Variants in USP30 observed in about 807,000 individuals in gnomAD.
USP30 encodes ubiquitin carboxyl-terminal hydrolase 30.
In USP30, 41 loss-of-function variants were observed where a neutral mutation model predicts 68.2. That is an observed-to-expected ratio of 0.60 (90% confidence interval 0.47 to 0.78). The LOEUF (loss-of-function observed/expected upper bound fraction) is 0.78, where lower values mean the gene tolerates loss of function less well. Ranked by LOEUF, USP30 falls within the 30% of genes least tolerant of loss-of-function variation. The probability of loss-of-function intolerance (pLI) is 0.00; values close to 1 mark genes in which losing one functional copy is unlikely to be tolerated. For synonymous variants in USP30, 229 were observed against 253.7 expected, an observed-to-expected ratio of 0.90 and a Z score of 0.93; for missense variants, 522 against 649.4, an observed-to-expected ratio of 0.80 and a Z score of 2.13.
upstream of USP30, chr12:109,052,335 A>T: frequency 5.2e-6 from 1 of 190,934 alleles, no homozygotes; most frequent in Non-Finnish European, 1.1e-5. Flanking sequence ...AAAAATTCAA[A>T]TCATGACCCA....
chr12:109,052,655 T>C lies in USP30; in HGVS notation c.-24T>C. 3 of 1,484,152 alleles carry C rather than the reference T, an allele frequency of 2.0e-6. No individual in the cohort carries two copies. The highest frequency in any genetic ancestry group is 2.7e-6 in the Non-Finnish European group (3 of 1,123,290). 91.9% of individuals were successfully genotyped at this position (1,484,152 alleles called of 1,614,324 possible). On this transcript the variant is annotated 5_prime_UTR_variant, in exon 1 of 13. Transcript: ENST00000257548. ...GCGGCGGCGGTAGCGGAGGAGACGG[T>C]TTCAGGCCTCCGGTGCGGCTGCAAT...
rs991561787 is a variant in USP30, at chr12:109,087,017, A to AT, written c.*1087dup. On this transcript the variant is annotated 3_prime_UTR_variant, in exon 13 of 13. Transcript: ENST00000257548. ...CAGCTTTTGACTTTTTAAAAAACAT[A>AT]TAACTACAGCTGGCATCTAGTATTG... The AT allele has an allele frequency of 6.6e-6, 1 of 152,032 alleles. No homozygotes were observed. Among genetic ancestry groups the AT allele is most frequent in the African/African-American group, 2.4e-5 (1 of 41,396 alleles). The allele number at this position is 152,032 out of a possible 1,614,324, so 9.4% of individuals were successfully genotyped here.
chr12:109,036,029 C>A (rs1246053893), intron 3 of USP30, among the ~76,000 whole-genome samples: 1 of 151,890 alleles, frequency 6.6e-6, no homozygotes, highest in Non-Finnish European at 1.5e-5. Flanking sequence ...GCATGGTGGC[C>A]CATGGCTGTA....
At chr12:109,026,739 A>T (rs2040447997) in intron 2 of USP30, among the ~76,000 whole-genome samples, 1 of 152,030 alleles carries the variant, frequency 6.6e-6, no homozygotes, top group South Asian at 2.1e-4. Context: ...AAGTGTTGAG[A>T]TTACAGGTGT....
chr12:109,077,833 G>A lies in USP30; in HGVS notation c.721-3501G>A, dbSNP rs562460015. On this transcript the variant is annotated intron_variant, in intron 7 of 12. Coordinates refer to ENST00000257548, the MANE Select transcript of USP30 (RefSeq NM_032663.5). ...CTCTTGTGTGTTTGTGTTGGGGGGG[G>A]AGGGTGTGTGTGAGAGATTACGTTA... Among the ~76,000 whole-genome samples, 257 of 151,856 alleles carry A rather than the reference G, an allele frequency of 1.7e-3. 4 individuals are homozygous for A. The highest frequency in any genetic ancestry group is 6.0e-3 in the African/African-American group (249 of 41,342).
At chr12:109,041,685 C>T (rs573854738) in intron 3 of USP30, among the ~76,000 whole-genome samples, 1 of 151,918 alleles carries the variant, frequency 6.6e-6, no homozygotes, top group South Asian at 2.1e-4. Context: ...GAAGTATGAA[C>T]TTATCAATCA....
At chr12:109,083,167 T>C (rs965570620) in intron 11 of USP30, 105 bp downstream of exon 11, 19 of 1,152,170 alleles carry the variant, frequency 1.6e-5, no homozygotes, top group Non-Finnish European at 2.3e-5. Context: ...ACAAGGCTTG[T>C]ACAATGGTGC....
intron 3 of USP30, among the ~76,000 whole-genome samples, chr12:109,062,195 G>A (rs1282897073): frequency 2.6e-5 from 4 of 151,800 alleles, no homozygotes; most frequent in African/African-American, 9.7e-5. Context: ...TCAGCCTCCC[G>A]TAGTGCTGGG....
At chr12:109,023,556 A>G (rs541170472) in intron 1 of USP30, among the ~76,000 whole-genome samples, 7 of 150,630 alleles carry the variant, frequency 4.6e-5, no homozygotes, top group South Asian at 4.2e-4. Flanking sequence ...CTCTGTCTCA[A>G]TAAATAAATA....
intron 7 of USP30, among the ~76,000 whole-genome samples, chr12:109,078,314 C>T (rs141401789): frequency 0.015 from 2,255 of 152,098 alleles, 23 homozygotes; most frequent in Non-Finnish European, 0.022. Flanking sequence ...ATCCCAGCTA[C>T]TCGGGAGGCT....
chr12:109,073,817 G>A (rs546884044), intron 7 of USP30, among the ~76,000 whole-genome samples: 2 of 152,074 alleles, frequency 1.3e-5, no homozygotes, highest in African/African-American at 2.4e-5. Context: ...TCTAGGGCTG[G>A]TTTTTTCCCC....
At chr12:109,068,502 G>T (rs1253633766) in intron 4 of USP30, among the ~76,000 whole-genome samples, 1 of 152,170 alleles carries the variant, frequency 6.6e-6, no homozygotes, top group African/African-American at 2.4e-5. Flanking sequence ...AGACATGGTG[G>T]TGGTATCTAT....
chr12:109,044,155 T>C (rs1402867418), intron 3 of USP30, among the ~76,000 whole-genome samples: 7 of 152,206 alleles, frequency 4.6e-5, no homozygotes, highest in African/African-American at 1.7e-4. Flanking sequence ...GTGAGATACT[T>C]AGAGTAGTTG....
At chr12:109,065,789 G>T (rs2041229832) in intron 3 of USP30, among the ~76,000 whole-genome samples, 1 of 152,242 alleles carries the variant, frequency 6.6e-6, no homozygotes. Flanking sequence ...CAGTGGCCAT[G>T]CGCCAGAGAA....
intron 11 of USP30, among the ~76,000 whole-genome samples, chr12:109,084,117 C>T (rs2041881244): frequency 6.6e-6 from 1 of 152,178 alleles, no homozygotes; most frequent in Non-Finnish European, 1.5e-5. Context: ...AATCCCAGCA[C>T]TTTGGGAGAT....
At chr12:109,071,940 GAGAATAA>G (rs1337112442) in intron 5 of USP30, among the ~76,000 whole-genome samples, 25 of 152,300 alleles carry the variant, frequency 1.6e-4, no homozygotes. Context: ...TGTTGGCTTT[GAGAATAA>G]AGAATGTGTT....
intron 3 of USP30, among the ~76,000 whole-genome samples, chr12:109,063,042 T>G (rs570137645): frequency 9.9e-5 from 15 of 152,200 alleles, no homozygotes; most frequent in Non-Finnish European, 1.8e-4. Context: ...GTCTTCAGGG[T>G]TCATCCATGT....
intron 7 of USP30, among the ~76,000 whole-genome samples, chr12:109,075,620 G>A (rs1404013588): frequency 6.6e-6 from 1 of 152,162 alleles, no homozygotes; most frequent in Non-Finnish European, 1.5e-5. Flanking sequence ...CCAAAGTGCT[G>A]GGATTAAGGC....
chr12:109,087,266 C>G lies in USP30; in HGVS notation c.*1335C>G, dbSNP rs1405386566. 1.3e-5 allele frequency: 2 copies of G among 152,292 alleles called. No individual in the cohort carries two copies. The highest frequency in any genetic ancestry group is 2.4e-5 in the African/African-American group (1 of 41,560). 9.4% of individuals were successfully genotyped at this position (152,292 alleles called of 1,614,324 possible). ...ACTCATCAGAGGTAAGATTTGGAAT[C>G]AGACCTTTCCAAAAGGTCATCTGAG... On this transcript the variant is annotated 3_prime_UTR_variant, in exon 13 of 13. Coordinates refer to ENST00000257548, the MANE Select transcript of USP30 (RefSeq NM_032663.5).
Sources: allele counts gnomAD v4.1 joint callset (sites outside exome capture counted in the v4.1 genomes callset), GRCh38; gene constraint gnomAD v4.1.1; transcripts MANE v1.5; gene names NCBI Gene and HGNC (gene_info 2026-07-23, HGNC 2026-07-21).